LRRC3B: variants seen among roughly 807,000 people sequenced by gnomAD.
LRRC3B encodes the protein leucine rich repeat containing 3B.
Under a neutral mutation model 12.8 loss-of-function variants are expected in LRRC3B, and 2 were observed. The observed-to-expected ratio is 0.16, with a 90% confidence interval of 0.06 to 0.49. The LOEUF (loss-of-function observed/expected upper bound fraction) is 0.49. Among genes scored for constraint, LRRC3B ranks in the 20% least tolerant of loss-of-function variants. The probability of loss-of-function intolerance (pLI) is 0.96; values close to 1 mark genes in which losing one functional copy is unlikely to be tolerated. For missense variants in LRRC3B, 189 were observed against 319.4 expected (o/e 0.59, Z 3.11); for synonymous variants, 132 against 122.0 (o/e 1.08, Z -0.54).
intron 1 of LRRC3B, among the ~76,000 whole-genome samples, chr3:26,639,316 A>G (rs1414947654): frequency 6.6e-6 from 1 of 152,184 alleles, no homozygotes; most frequent in African/African-American, 2.4e-5. Flanking sequence ...ATCTGGTGTT[A>G]TATTTTATAC....
intron 1 of LRRC3B, among the ~76,000 whole-genome samples, chr3:26,672,465 TTGAGGGCC>T (rs1338098059): frequency 6.6e-6 from 1 of 152,164 alleles, no homozygotes; most frequent in Non-Finnish European, 1.5e-5. Context: ...GGCCCTTCAC[TTGAGGGCC>T]TGAGAAGACA....
At chr3:26,629,183 TC>T (rs1698696578) in intron 1 of LRRC3B, among the ~76,000 whole-genome samples, 1 of 120,188 alleles carries the variant, frequency 8.3e-6, no homozygotes, top group African/African-American at 3.1e-5. Flanking sequence ...CCTCTACCCC[TC>T]CCCCTCCCTC....
intron 1 of LRRC3B, among the ~76,000 whole-genome samples, chr3:26,676,829 G>C (rs1482806397): frequency 6.6e-6 from 1 of 152,162 alleles, no homozygotes. Context: ...CAAAGACTTG[G>C]AACCAACCCA....
chr3:26,653,364 C>G (rs557676599), intron 1 of LRRC3B, among the ~76,000 whole-genome samples: 2 of 152,070 alleles, frequency 1.3e-5, no homozygotes, highest in African/African-American at 4.8e-5. Flanking sequence ...TTTTTACAGA[C>G]AGGAACAAAG....
At chr3:26,630,026 A>G (rs933292090) in intron 1 of LRRC3B, among the ~76,000 whole-genome samples, 1 of 151,966 alleles carries the variant, frequency 6.6e-6, no homozygotes, top group Non-Finnish European at 1.5e-5. Context: ...TACTTAGCAC[A>G]GTAAGACTAA....
At chr3:26,696,778 A>C (rs1238821201) in intron 1 of LRRC3B, among the ~76,000 whole-genome samples, 2 of 152,192 alleles carry the variant, frequency 1.3e-5, no homozygotes, top group East Asian at 3.8e-4. Context: ...ATGGCTTAGA[A>C]AGTCTTGTAC....
chr3:26,647,325 T>A (rs920941517), intron 1 of LRRC3B, among the ~76,000 whole-genome samples: 1 of 152,160 alleles, frequency 6.6e-6, no homozygotes, highest in Non-Finnish European at 1.5e-5. Context: ...TCAGCCTCTC[T>A]CTCTCAACCC....
In LRRC3B at chr3:26,709,827, A is replaced by G. The variant is rs1214454656; in HGVS notation, c.155A>G (p.Asn52Ser). 35 of 1,614,030 alleles carry G rather than the reference A, an allele frequency of 2.2e-5. No homozygotes were observed. The highest frequency in any genetic ancestry group is 2.7e-5 in the African/African-American group (2 of 74,904). ...GGGGGTTTAAATGTCACCTGTAGCAATGCAAATCTCAAGGAAATACCTAGA... is the reference window on the plus strand; with the variant it reads ...GGGGGTTTAAATGTCACCTGTAGCAGTGCAAATCTCAAGGAAATACCTAGA... The change falls in exon 2 of 2, where the codon AAT (asparagine) becomes AGT (serine). Residue 52 changes from asparagine to serine, a missense_variant. Transcript: ENST00000396641.
chr3:26,636,998 CTCTTTCTTTCT>C (rs1698915743), intron 1 of LRRC3B, among the ~76,000 whole-genome samples: 8 of 128,150 alleles, frequency 6.2e-5, no homozygotes, highest in African/African-American at 2.4e-4. Flanking sequence ...CTCTCTTTCT[CTCTTTCTTTCT>C]TTCTTTTGAG....
At chr3:26,666,420 G>C (rs1399144661) in intron 1 of LRRC3B, among the ~76,000 whole-genome samples, 2 of 151,916 alleles carry the variant, frequency 1.3e-5, no homozygotes, top group East Asian at 3.9e-4. Context: ...AAGATTGGGG[G>C]GATTTTAAGG....
intron 1 of LRRC3B, among the ~76,000 whole-genome samples, chr3:26,684,249 C>T (rs1377691321): frequency 6.6e-6 from 1 of 152,226 alleles, no homozygotes; most frequent in East Asian, 1.9e-4. Context: ...TTGTATGTAA[C>T]TGTCAATCCC....
chr3:26,639,833 C>T (rs913175973), intron 1 of LRRC3B, among the ~76,000 whole-genome samples: 3 of 152,120 alleles, frequency 2.0e-5, no homozygotes, highest in African/African-American at 7.2e-5. Context: ...CCCACCTTCT[C>T]TTTAGAATCC....
chr3:26,644,357 AT>A (rs1457825542), intron 1 of LRRC3B, among the ~76,000 whole-genome samples: 6 of 152,180 alleles, frequency 3.9e-5, no homozygotes, highest in Admixed American at 6.5e-5. Flanking sequence ...TTATTCATTC[AT>A]TTGGTAACTC....
chr3:26,702,940 A>G (rs1399248622), intron 1 of LRRC3B, among the ~76,000 whole-genome samples: 1 of 152,154 alleles, frequency 6.6e-6, no homozygotes, highest in African/African-American at 2.4e-5. Flanking sequence ...ACTTTTGGGT[A>G]TGCAAAGTTG....
At chr3:26,665,503 C>T (rs562665301) in intron 1 of LRRC3B, among the ~76,000 whole-genome samples, 14 of 152,158 alleles carry the variant, frequency 9.2e-5, no homozygotes, top group Admixed American at 7.2e-4. Flanking sequence ...TCTACCAAAA[C>T]AACTTCAAAA....
chr3:26,663,341 G>C (rs1032511715), intron 1 of LRRC3B, among the ~76,000 whole-genome samples: 2 of 151,934 alleles, frequency 1.3e-5, no homozygotes, highest in African/African-American at 4.8e-5. Context: ...ATACACACAT[G>C]CATCTTTATT....
chr3:26,710,622 A>G, exon 2 of LRRC3B: 1 of 646,500 alleles, frequency 1.5e-6, no homozygotes, highest in Non-Finnish European at 2.5e-6. Flanking sequence ...AAATAATTTG[A>G]GTTTAGGTGA....
At chr3:26,655,113 A>G (rs1180784246) in intron 1 of LRRC3B, among the ~76,000 whole-genome samples, 3 of 152,140 alleles carry the variant, frequency 2.0e-5, no homozygotes, top group Non-Finnish European at 4.4e-5. Flanking sequence ...CTCAATGGAA[A>G]ACTAGTGCCA....
intron 1 of LRRC3B, among the ~76,000 whole-genome samples, chr3:26,695,387 C>T (rs1002824757): frequency 5.3e-5 from 8 of 152,018 alleles, no homozygotes; most frequent in African/African-American, 1.9e-4. Context: ...ATTAGCCGGG[C>T]ATTGTGGTGA....
Sources: gnomAD v4.1 joint callset for allele counts (sites outside exome capture counted in the v4.1 genomes callset) on GRCh38, gnomAD v4.1.1 for gene constraint, MANE v1.5 for transcripts, NCBI Gene and HGNC (gene_info 2026-07-23, HGNC 2026-07-21) for gene names.